Variants in KIAA1755 observed in about 807,000 individuals in gnomAD.
KIAA1755 encodes the protein KIAA1755, also known as uncharacterized protein KIAA1755.
Under a neutral mutation model 91.7 loss-of-function variants are expected in KIAA1755, and 68 were observed. The ratio of observed to expected loss-of-function variants is 0.74; its 90% CI spans 0.61 to 0.91. The LOEUF is 0.91. Among genes scored for constraint, KIAA1755 ranks in the 40% least tolerant of loss-of-function variants. KIAA1755 has a pLI of 0.00. For synonymous variants in KIAA1755, 610 were observed against 604.6 expected (o/e 1.01, Z -0.13); for missense variants, 1,535 against 1,494.4 (o/e 1.03, Z -0.45).
chr20:38,258,209 T>C (rs2123365628), intron 1 of KIAA1755, among the ~76,000 whole-genome samples: 1 of 152,330 alleles, frequency 6.6e-6, no homozygotes, highest in East Asian at 1.9e-4. Context: ...CTTAGTTACT[T>C]TCTATTTATG....
intron 4 of KIAA1755, chr20:38,233,112 C>T (rs1291703819): frequency 4.6e-5 from 7 of 151,986 alleles, no homozygotes; most frequent in African/African-American, 1.2e-4. Flanking sequence ...CAGAGTGAGA[C>T]CTTGTCTCAA....
Position 38,231,298 on chromosome 20 carries a change from A to G in KIAA1755, c.1775T>C (p.Leu592Pro). 6.2e-7 allele frequency: 1 copy of G among 1,611,662 alleles called. No homozygotes were observed. Among genetic ancestry groups the G allele is most frequent in the Non-Finnish European group, 8.5e-7 (1 of 1,179,494 alleles). The change falls in exon 5 of 14, where the codon CTG becomes CCG. Residue 592 changes from leucine (L) to proline (P), a missense_variant. Leu to Pro is a moderately conservative substitution (Grantham distance 98). Coordinates refer to ENST00000279024, the MANE Select transcript of KIAA1755 (RefSeq NM_001029864.2). The stretch of plus-strand genomic sequence containing the variant: ...CCCCTCTGTAGTTGACACCAGAAGC[A>G]GGGGCCGCCCGGCCCTGTCCCGGCC... Reference protein sequence around the residue: ...PGGRDRAGRPLLLVSTTEGAW... With the variant: ...PGGRDRAGRPPLLVSTTEGAW...
At chr20:38,256,197 T>C (rs1934918) in intron 1 of KIAA1755, among the ~76,000 whole-genome samples, 22,349 of 152,120 alleles carry the variant, frequency 0.15, 2,907 homozygotes, top group African/African-American at 0.35. Flanking sequence ...CTCCTCTTAG[T>C]CATCATAGTG....
At chr20:38,238,188 T>G (rs1034124796) in intron 4 of KIAA1755, among the ~76,000 whole-genome samples, 4 of 152,198 alleles carry the variant, frequency 2.6e-5, no homozygotes, top group African/African-American at 9.7e-5. Flanking sequence ...GGACAAAATC[T>G]GAGCCCTTGG....
At position 38,219,628 on chromosome 20, in the gene KIAA1755, A is replaced by C; in HGVS notation, c.2556+2T>G. On this transcript the variant is annotated splice_donor_variant, in intron 11 of 13. Coordinates refer to ENST00000279024, the MANE Select transcript of KIAA1755 (RefSeq NM_001029864.2). LOFTEE classifies it high-confidence loss of function. ...ACACCCCAAGCCAGACACCCCTTTC[A>C]CCTGGTGAATGGCAGCTTCCAGGCG... 1 of 1,613,814 alleles carries C rather than the reference A, an allele frequency of 6.2e-7. No individual in the cohort carries two copies. Among genetic ancestry groups the C allele is most frequent in the South Asian group, 1.1e-5 (1 of 91,064 alleles).
chr20:38,235,314 A>G (rs905219347), intron 4 of KIAA1755, among the ~76,000 whole-genome samples: 10 of 152,036 alleles, frequency 6.6e-5, no homozygotes, highest in African/African-American at 2.2e-4. Context: ...CCCTCTCCTA[A>G]GGCTTCGTGC....
intron 1 of KIAA1755, among the ~76,000 whole-genome samples, chr20:38,249,330 G>A (rs188163477): frequency 6.6e-6 from 1 of 152,312 alleles, no homozygotes; most frequent in East Asian, 1.9e-4. Context: ...TTGCCCAGGG[G>A]GGCAAAGGGA....
In KIAA1755 at chr20:38,223,640, C is replaced by T; in HGVS notation, c.2170-4G>A. 1 of 1,602,438 alleles carries T rather than the reference C, an allele frequency of 6.2e-7. No individual in the cohort carries two copies. ...CAGCAAGGAAAGGGTCCAGCTTCTGCAGGACAGAGGACCAAAGGGCAGGTG... is the reference window on the plus strand; with the variant it reads ...CAGCAAGGAAAGGGTCCAGCTTCTGTAGGACAGAGGACCAAAGGGCAGGTG... On this transcript the variant is annotated splice_region_variant and splice_polypyrimidine_tract_variant and intron_variant, in intron 8 of 13. Coordinates refer to ENST00000279024, the MANE Select transcript of KIAA1755 (RefSeq NM_001029864.2).
rs771528481 is a variant in KIAA1755, at chr20:38,213,690, G to A, written c.2955C>T (p.Asp985=). 1 of 1,556,642 alleles carries A rather than the reference G, an allele frequency of 6.4e-7. No homozygotes were observed. Among genetic ancestry groups the A allele is most frequent in the Middle Eastern group, 1.7e-4 (1 of 5,832 alleles). ...CCCCAGGACTGACCCTTGAGGTCTT[G>A]TCCAGCCTGAGCTGGGCCATCAGGT... The part of the protein sequence containing the change: ...CQDLMAQLRL[D]KTSRVSPGDQ... The change falls in exon 14 of 14, where the codon GAC becomes GAT. Residue 985 remains aspartate (D), a synonymous_variant. Coordinates refer to ENST00000279024, the MANE Select transcript of KIAA1755 (RefSeq NM_001029864.2).
At chr20:38,247,011 G>A (rs1006435945) in intron 1 of KIAA1755, among the ~76,000 whole-genome samples, 16 of 151,896 alleles carry the variant, frequency 1.1e-4, no homozygotes, top group Non-Finnish European at 5.9e-5. Flanking sequence ...CCTCTTCCAG[G>A]AAGGGATCCA....
intron 1 of KIAA1755, among the ~76,000 whole-genome samples, chr20:38,259,399 T>C (rs954872168): frequency 6.6e-6 from 1 of 151,944 alleles, no homozygotes; most frequent in Non-Finnish European, 1.5e-5. Context: ...TGTGAACATG[T>C]GTTCAGCTGT....
At chr20:38,225,200 C>T (rs1292819159) in intron 8 of KIAA1755, among the ~76,000 whole-genome samples, 1 of 152,118 alleles carries the variant, frequency 6.6e-6, no homozygotes, top group Non-Finnish European at 1.5e-5. Context: ...TGAGGTTTTA[C>T]CATGTTGGCC....
Position 38,239,854 on chromosome 20 carries a change from A to C in KIAA1755, c.1550-129T>G. On this transcript the variant is annotated intron_variant, in intron 3 of 13. Coordinates refer to ENST00000279024, the MANE Select transcript of KIAA1755 (RefSeq NM_001029864.2). ...TATTGATCTCTCCCATGTGCCAGGC[A>C]TTGCGCTAAGCCCCTTACTTCTAGT... is the stretch of plus-strand genomic sequence containing the variant. 3.4e-6 allele frequency: 3 copies of C among 884,488 alleles called. No homozygotes were observed. In the Admixed American group the frequency reaches 6.5e-5, roughly 19 times the overall value. The allele number at this position is 884,488 out of a possible 1,614,324, so 54.8% of individuals were successfully genotyped here. A position where few individuals can be genotyped will look rare whatever the true frequency, so the allele number is the denominator to read the frequency against.
At chr20:38,227,415 T>C (rs2075779207) in intron 6 of KIAA1755, among the ~76,000 whole-genome samples, 175 bp from the exon 7 acceptor site, 2 of 152,266 alleles carry the variant, frequency 1.3e-5, no homozygotes, top group Admixed American at 6.5e-5. Flanking sequence ...AATCATTGGT[T>C]AGAAGTCATG....
At position 38,241,162 on chromosome 20, in the gene KIAA1755, G is replaced by C; in HGVS notation, c.969C>G (p.Leu323=). 9 of 1,614,148 alleles carry C rather than the reference G, an allele frequency of 5.6e-6. No homozygotes were observed. Among genetic ancestry groups the C allele is most frequent in the Non-Finnish European group, 7.6e-6 (9 of 1,179,982 alleles). ...AGGAAGGTCCTTCATTGGCCTCTGAGAGAGGCAGTATCTTTTGAAATAAGG... is the reference window on the plus strand; with the variant it reads ...AGGAAGGTCCTTCATTGGCCTCTGACAGAGGCAGTATCTTTTGAAATAAGG... ...ETPLFQKILP[L]SEANEGPSLG... is the part of the protein sequence containing the mutation. Residue 323 remains leucine, a synonymous_variant, in exon 3 of 14, where the codon CTC becomes CTG. Transcript: ENST00000279024.
rs1270784453 is a variant in KIAA1755, at chr20:38,230,358, C to T, written c.1871+844G>A. Among the ~76,000 whole-genome samples, 9 of 152,228 alleles carry T rather than the reference C, an allele frequency of 5.9e-5. 1 individual carries two copies. Among genetic ancestry groups the T allele is most frequent in the Admixed American group, 5.9e-4 (9 of 15,286 alleles). On this transcript the variant is annotated intron_variant, in intron 5 of 13. Coordinates refer to ENST00000279024, the MANE Select transcript of KIAA1755 (RefSeq NM_001029864.2). ...TCAGATGACAGCTCAATTATCACCT[C>T]CTCAGGGAAGCCTTCCCTGATTTCC...
rs2075744008 is a variant in KIAA1755, at chr20:38,225,699, G to A, written c.2135C>T (p.Pro712Leu). The A allele has an allele frequency of 2.5e-6, 4 of 1,613,324 alleles. No homozygotes were observed. The highest frequency in any genetic ancestry group is 3.4e-6 in the Non-Finnish European group (4 of 1,179,580). ...QLPAVLEGPF[P>L]YCHTEWVHFF... ...ATGAACCCACTCGGTGTGGCAGTAG[G>A]GGAAGGGGCCTTCCAGGACTGCGGG... Residue 712 changes from proline to leucine, a missense_variant, in exon 8 of 14, where the codon CCC (proline) becomes CTC (leucine). By Grantham distance (98) the Pro-to-Leu change is moderately conservative. Transcript: ENST00000279024.
Position 38,212,749 on chromosome 20 carries a change from G to A in KIAA1755, c.*293C>T, listed in dbSNP as rs1368915120. The A allele has an allele frequency of 2.5e-5, 8 of 318,836 alleles. No individual in the cohort carries two copies. The highest frequency in any genetic ancestry group is 3.5e-5 in the Non-Finnish European group (6 of 173,034). The allele number at this position is 318,836 out of a possible 1,614,324, so 19.8% of individuals were successfully genotyped here. ...CGAGACCTCTGGAGGGGTCTGTGCC[G>A]ACAGGTCTTTCCACAATGAGAGCCT... On this transcript the variant is annotated 3_prime_UTR_variant, in exon 14 of 14. Coordinates refer to ENST00000279024, the MANE Select transcript of KIAA1755 (RefSeq NM_001029864.2).
At chr20:38,231,147 T>C (rs73106445) in intron 5 of KIAA1755, 55 bp downstream of exon 5, 9 of 1,558,044 alleles carry the variant, frequency 5.8e-6, no homozygotes, top group Non-Finnish European at 6.1e-6. Flanking sequence ...TCCAGGGCTC[T>C]GGGCCCAGAG....
Sources: allele counts gnomAD v4.1 joint callset (sites outside exome capture counted in the v4.1 genomes callset), GRCh38; gene constraint gnomAD v4.1.1; transcripts MANE v1.5; gene names NCBI Gene and HGNC (gene_info 2026-07-23, HGNC 2026-07-21).